Variants in SYNE1 observed in about 807,000 individuals in gnomAD.
SYNE1 encodes the protein spectrin repeat containing nuclear envelope protein 1.
A neutral mutation model predicts 1,111.0 loss-of-function variants in SYNE1; 616 were observed. The observed-to-expected ratio is 0.55, with a 90% CI of 0.52 to 0.59. The LOEUF (loss-of-function observed/expected upper bound fraction) is 0.59, where lower values mean the gene tolerates loss of function less well. Ranked by LOEUF, SYNE1 falls within the 20% of genes least tolerant of loss-of-function variation. SYNE1 has a pLI of 0.00. For synonymous variants in SYNE1, 3,855 were observed against 3,825.8 expected (o/e 1.01, Z -0.28); for missense variants, 10,006 against 10,417.0 (o/e 0.96, Z 1.72).
chr6:152,469,379 A>G (rs2098791934), intron 16 of SYNE1, among the ~76,000 whole-genome samples: 1 of 152,120 alleles, frequency 6.6e-6, no homozygotes, highest in Non-Finnish European at 1.5e-5. Context: ...TAAGCCTTCT[A>G]GAAATTAAGT....
At chr6:152,448,439 A>ATT (rs112863750) in intron 28 of SYNE1, among the ~76,000 whole-genome samples, 29 of 151,916 alleles carry the variant, frequency 1.9e-4, no homozygotes, top group African/African-American at 6.8e-4. Context: ...TAGGATGTGA[A>ATT]TTTTTTTTTG....
rs886061216 is a variant in SYNE1 at position 152,466,058 on chromosome 6, C to G, written c.1653G>C (p.Lys551Asn). ...QNYVSFIENS[K>N]FFEQYEVTYQ... is the part of the protein sequence containing the mutation. ...ATGTCACCTCATATTGTTCAAAGAA[C>G]TTGCTATTTTCTATAAAAGACTAGA... The change falls in exon 17 of 146, where the codon AAG (lysine) becomes AAC (asparagine). Residue 551 changes from lysine to asparagine, a missense_variant. By Grantham distance (94) the Lys-to-Asn change is moderately conservative. Around this residue, in one of 7 missense-constraint regions of SYNE1, gnomAD observed 1,971 missense variants for 2,084.1 expected, o/e 0.95. Coordinates refer to ENST00000367255, the MANE Select transcript of SYNE1 (RefSeq NM_182961.4). 2 of 1,610,350 alleles carry G rather than the reference C, an allele frequency of 1.2e-6. No homozygotes were observed. The highest frequency in any genetic ancestry group is 1.7e-6 in the Non-Finnish European group (2 of 1,177,002).
chr6:152,425,435 T>A lies in SYNE1; in HGVS notation c.5213A>T (p.His1738Leu). The change falls in exon 39 of 146, where the codon CAT becomes CTT. Residue 1738 changes from histidine to leucine, a missense_variant. This residue lies in a region of SYNE1 where 1,971 missense variants were observed against 2,084.1 expected (regional missense o/e 0.95). Transcript: ENST00000367255. ...CCATCTCTCATCCAACTGCTCCAAATGTAGTTTCATCATTTTCACATCATC... is the reference window on the plus strand; with the variant it reads ...CCATCTCTCATCCAACTGCTCCAAAAGTAGTTTCATCATTTTCACATCATC... ...SKDDVKMMKLHLEQLDERWRD... is the reference protein window; with the variant it reads ...SKDDVKMMKLLLEQLDERWRD... The A allele has an allele frequency of 6.2e-7, 1 of 1,614,202 alleles. No homozygotes were observed. Among genetic ancestry groups the A allele is most frequent in the Non-Finnish European group, 8.5e-7 (1 of 1,180,016 alleles).
chr6:152,376,922 A>G lies in SYNE1; in HGVS notation c.9010-10T>C. 1 of 1,613,562 alleles carries G rather than the reference A, an allele frequency of 6.2e-7. No homozygotes were observed. On this transcript the variant is annotated splice_polypyrimidine_tract_variant and intron_variant, in intron 56 of 145. Coordinates refer to ENST00000367255, the MANE Select transcript of SYNE1 (RefSeq NM_182961.4). ...AAGCATCCAGTATCTCCTGTTCAGA[A>G]ATAATGAGACAAAGAAGCGAGCACT...
At chr6:152,444,675 G>A in intron 29 of SYNE1, 97 bp from the exon 30 acceptor site, 1 of 1,131,370 alleles carries the variant, frequency 8.8e-7, no homozygotes, top group Non-Finnish European at 1.3e-6. Flanking sequence ...AATAAACATT[G>A]TACATATTTA....
rs548036973 is a variant in SYNE1 at position 152,503,194 on chromosome 6, C to T, written c.779-452G>A. 7.2e-5 allele frequency among the ~76,000 whole-genome samples: 11 copies of T among 151,996 alleles called. No homozygotes were observed. In the East Asian group the frequency reaches 1.4e-3, roughly 19 times the overall value. On this transcript the variant is annotated intron_variant, in intron 9 of 145. Transcript: ENST00000367255. Reference sequence around the variant, plus strand: ...ACTGAATGACATATATATATATATACACACACTATATATGGCCAAATATAG... The same window carrying T: ...ACTGAATGACATATATATATATATATACACACTATATATGGCCAAATATAG...
chr6:152,444,904 A>T (rs1256888682), intron 29 of SYNE1, among the ~76,000 whole-genome samples: 7 of 152,190 alleles, frequency 4.6e-5, no homozygotes, highest in African/African-American at 1.7e-4. Flanking sequence ...CCTGTTGAAG[A>T]TCATGTAATC....
intron 124 of SYNE1, 67 bp from the exon 125 acceptor site, chr6:152,208,273 A>G (rs1184532316): frequency 2.9e-6 from 4 of 1,398,958 alleles, no homozygotes; most frequent in Non-Finnish European, 4.0e-6. Context: ...CAATCAGCCA[A>G]TGTATACACT....
intron 145 of SYNE1, among the ~76,000 whole-genome samples, chr6:152,123,989 C>A (rs997433505): frequency 1.3e-5 from 2 of 152,122 alleles, no homozygotes; most frequent in South Asian, 4.1e-4. Context: ...TAGAAGGGAA[C>A]AGAGGGAGTA....
At chr6:152,624,265 C>T (rs957028218) in intron 3 of SYNE1, among the ~76,000 whole-genome samples, 8 of 152,106 alleles carry the variant, frequency 5.3e-5, no homozygotes, top group South Asian at 2.1e-4. Context: ...TGTAAGATTG[C>T]GTTGATGTCA....
rs2099115077 is a variant in SYNE1, at chr6:152,516,915, A to G, written c.309+3544T>C. ...AAAACTCTAAATATCCTGTTTAACAAGGCTTCATTCAGCTTTCAATGAAAA... is the reference window on the plus strand; with the variant it reads ...AAAACTCTAAATATCCTGTTTAACAGGGCTTCATTCAGCTTTCAATGAAAA... On this transcript the variant is annotated intron_variant, in intron 6 of 145. Coordinates refer to ENST00000367255, the MANE Select transcript of SYNE1 (RefSeq NM_182961.4). 2.0e-5 allele frequency among the ~76,000 whole-genome samples: 3 copies of G among 152,196 alleles called. No individual in the cohort carries two copies. The South Asian group carries it at 6.2e-4, about 31-fold the overall frequency.
At chr6:152,582,496 TATATTAC>T in intron 3 of SYNE1, among the ~76,000 whole-genome samples, 1 of 152,050 alleles carries the variant, frequency 6.6e-6, no homozygotes, top group East Asian at 1.9e-4. Flanking sequence ...CACACACACA[TATATTAC>T]ATATTACATA....
rs751517332 is a variant in SYNE1 at position 152,441,249 on chromosome 6, G to A, written c.4030C>T (p.Arg1344Ter). Residue 1344 changes from arginine to a stop codon, truncating the protein, a stop_gained, in exon 32 of 146, where the codon CGA becomes TGA. Coordinates refer to ENST00000367255, the MANE Select transcript of SYNE1 (RefSeq NM_182961.4). LOFTEE classifies it high-confidence loss of function. ...ACTGTTTCTTTGTTTGTTTCAAATCGCTCCCATTTTCTTAATGTGACCTAA... is the reference window on the plus strand; with the variant it reads ...ACTGTTTCTTTGTTTGTTTCAAATCACTCCCATTTTCTTAATGTGACCTAA... Reference protein sequence around the residue: ...RIQVTLRKWERFETNKETVVR... With the variant: ...RIQVTLRKWE 1.2e-6 allele frequency: 2 copies of A among 1,609,154 alleles called. No individual in the cohort carries two copies. Among genetic ancestry groups the A allele is most frequent in the East Asian group, 2.2e-5 (1 of 44,718 alleles).
chr6:152,412,467 G>A (rs2098079344), intron 42 of SYNE1, among the ~76,000 whole-genome samples: 1 of 151,162 alleles, frequency 6.6e-6, no homozygotes, highest in Non-Finnish European at 1.5e-5. Flanking sequence ...CGCACACAAT[G>A]ACATATGTTG....
intron 6 of SYNE1, among the ~76,000 whole-genome samples, chr6:152,511,336 C>T (rs1473976024): frequency 6.6e-6 from 1 of 152,040 alleles, no homozygotes; most frequent in African/African-American, 2.4e-5. Flanking sequence ...ATTTCAGAAA[C>T]TTCTTTTGTT....
intron 79 of SYNE1, 57 bp from the exon 80 acceptor site, chr6:152,326,159 A>T: frequency 6.2e-7 from 1 of 1,613,938 alleles, no homozygotes; most frequent in South Asian, 1.1e-5. Context: ...TTTCTACACG[A>T]AGCTCTGGTG....
At chr6:152,274,551 T>C (rs1369601237) in intron 98 of SYNE1, among the ~76,000 whole-genome samples, 1 of 152,096 alleles carries the variant, frequency 6.6e-6, no homozygotes, top group Non-Finnish European at 1.5e-5. Context: ...TACAGAACTT[T>C]TTTATTTTTG....
chr6:152,453,910 A>C (rs2098673128), intron 24 of SYNE1, among the ~76,000 whole-genome samples, 190 bp from the exon 25 acceptor site: 1 of 152,222 alleles, frequency 6.6e-6, no homozygotes, highest in South Asian at 2.1e-4. Context: ...AAGCCATCAT[A>C]TCTGAAATTC....
intron 4 of SYNE1, among the ~76,000 whole-genome samples, chr6:152,529,043 T>G (rs1330315613): frequency 1.3e-5 from 2 of 152,130 alleles, no homozygotes; most frequent in African/African-American, 2.4e-5. Context: ...TTCCCATAGG[T>G]AGTGGCTGTG....
Sources: allele counts gnomAD v4.1 joint callset (sites outside exome capture counted in the v4.1 genomes callset), GRCh38; gene constraint gnomAD v4.1.1; regional missense constraint gnomAD v4.1.1; transcripts MANE v1.5; gene names NCBI Gene and HGNC (gene_info 2026-07-23, HGNC 2026-07-21).